GABRB1: variants seen among roughly 807,000 people sequenced by gnomAD.
The protein encoded by GABRB1 is gamma-aminobutyric acid type A receptor subunit beta1.
In GABRB1, 17 loss-of-function variants were observed where a neutral mutation model predicts 51.6. The ratio of observed to expected loss-of-function variants is 0.33; its 90% CI spans 0.23 to 0.49. GABRB1 has a LOEUF of 0.49. GABRB1 is among the 20% of genes least tolerant of loss of function. GABRB1 has a pLI of 0.99. For synonymous variants in GABRB1, 247 were observed against 218.9 expected, an observed-to-expected ratio of 1.13 and a Z score of -1.14; for missense variants, 410 against 600.6, an observed-to-expected ratio of 0.68 and a Z score of 3.32.
chr4:47,313,629 A>AT (rs1419521134), intron 4 of GABRB1, among the ~76,000 whole-genome samples: 3 of 152,054 alleles, frequency 2.0e-5, no homozygotes, highest in Non-Finnish European at 4.4e-5. Context: ...TTGCTGAACA[A>AT]TTTTTTCTCA....
At chr4:47,123,696 T>C (rs28517802) in intron 3 of GABRB1, among the ~76,000 whole-genome samples, 3 of 47,368 alleles carry the variant, frequency 6.3e-5, no homozygotes, top group African/African-American at 8.7e-5. Flanking sequence ...TATGATATAT[T>C]ATATATATAA....
chr4:47,381,983 A>G (rs1727614002), intron 5 of GABRB1, among the ~76,000 whole-genome samples: 1 of 152,172 alleles, frequency 6.6e-6, no homozygotes. Flanking sequence ...CCACATTTTT[A>G]TTGTCTAGGC....
chr4:47,316,745 TG>T (rs1025819679), intron 4 of GABRB1, among the ~76,000 whole-genome samples: 10 of 152,082 alleles, frequency 6.6e-5, no homozygotes, highest in Admixed American at 5.9e-4. Flanking sequence ...GCACAGGGGT[TG>T]GGGCTGTTGT....
At chr4:47,032,511 G>T in intron 3 of GABRB1, 27 bp downstream of exon 3, 1 of 1,608,780 alleles carries the variant, frequency 6.2e-7, no homozygotes, top group Non-Finnish European at 8.5e-7. Context: ...GGGGCCCGGC[G>T]GTTCGGCTTA....
At chr4:47,276,332 G>A (rs139626461) in intron 4 of GABRB1, among the ~76,000 whole-genome samples, 2 of 152,146 alleles carry the variant, frequency 1.3e-5, no homozygotes, top group African/African-American at 4.8e-5. Context: ...ATTATATTGA[G>A]CTGCAAAGAA....
chr4:47,155,717 A>G (rs1034518305), intron 3 of GABRB1, among the ~76,000 whole-genome samples: 1 of 151,802 alleles, frequency 6.6e-6, no homozygotes, highest in African/African-American at 2.4e-5. Flanking sequence ...CAAATGCTAG[A>G]TAATTAATGG....
intron 1 of GABRB1, among the ~76,000 whole-genome samples, chr4:47,013,219 AC>A (rs1256958040): frequency 6.6e-6 from 1 of 151,974 alleles, no homozygotes; most frequent in African/African-American, 2.4e-5. Flanking sequence ...TTTCAAGGTA[AC>A]TAAATAATTT....
intron 5 of GABRB1, among the ~76,000 whole-genome samples, chr4:47,333,188 TTTTATTTATATA>T (rs1210373655): frequency 1.5e-5 from 1 of 64,860 alleles, no homozygotes; most frequent in East Asian, 3.8e-4. Flanking sequence ...TTAAAACCCA[TTTTATTTATATA>T]TATATATATA....
intron 8 of GABRB1, 70 bp from the exon 9 acceptor site, chr4:47,425,604 T>TAGTA: frequency 8.5e-7 from 1 of 1,179,580 alleles, no homozygotes; most frequent in East Asian, 2.4e-5. Flanking sequence ...GGGGTATCAT[T>TAGTA]AGTAACAGGT....
At chr4:47,348,072 A>G (rs1726170225) in intron 5 of GABRB1, among the ~76,000 whole-genome samples, 1 of 152,206 alleles carries the variant, frequency 6.6e-6, no homozygotes. Context: ...CCTGGTCCCT[A>G]GCTTTCTTCT....
chr4:47,162,093 T>C (rs1172415733), intron 4 of GABRB1, among the ~76,000 whole-genome samples: 1 of 152,054 alleles, frequency 6.6e-6, no homozygotes, highest in African/African-American at 2.4e-5. Flanking sequence ...ACTCTTTCTG[T>C]ACCCCAAGGA....
intron 4 of GABRB1, among the ~76,000 whole-genome samples, chr4:47,217,135 C>A (rs913598042): frequency 2.6e-5 from 4 of 151,496 alleles, no homozygotes; most frequent in Admixed American, 2.0e-4. Flanking sequence ...ATAATAACAC[C>A]CTTGTTTATT....
chr4:47,214,878 T>C (rs772115082), intron 4 of GABRB1, among the ~76,000 whole-genome samples: 6 of 152,214 alleles, frequency 3.9e-5, no homozygotes, highest in Non-Finnish European at 8.8e-5. Flanking sequence ...TCTTCAGGAA[T>C]AGAATCCAAA....
intron 1 of GABRB1, among the ~76,000 whole-genome samples, chr4:47,020,303 A>G (rs1416699941): frequency 1.3e-5 from 2 of 152,132 alleles, no homozygotes; most frequent in Non-Finnish European, 2.9e-5. Flanking sequence ...ACATTCAAGG[A>G]TAGGTCTTCA....
intron 4 of GABRB1, among the ~76,000 whole-genome samples, chr4:47,203,637 G>T (rs960687438): frequency 6.6e-6 from 1 of 151,986 alleles, no homozygotes; most frequent in African/African-American, 2.4e-5. Context: ...TAACACAGAG[G>T]TGTCCTGCTT....
chr4:47,169,033 A>G (rs1718328965), intron 4 of GABRB1, among the ~76,000 whole-genome samples: 1 of 152,100 alleles, frequency 6.6e-6, no homozygotes, highest in Non-Finnish European at 1.5e-5. Flanking sequence ...ATCTCACTTC[A>G]ACTTGATTAC....
chr4:47,403,403 A>G lies in GABRB1; in HGVS notation c.630A>G (p.Gln210=). 2 of 1,614,036 alleles carry G rather than the reference A, an allele frequency of 1.2e-6. No individual in the cohort carries two copies. The highest frequency in any genetic ancestry group is 2.2e-5 in the East Asian group (1 of 44,884). Reference sequence around the variant, plus strand: ...GTGTTAATAAAATCGAACTTCCTCAATTTTCAATTGTTGACTACAAGATGG... The same window carrying G: ...GTGTTAATAAAATCGAACTTCCTCAGTTTTCAATTGTTGACTACAAGATGG... ...VTGVNKIELP[Q]FSIVDYKMVS... The change falls in exon 6 of 9, where the codon CAA becomes CAG. Residue 210 remains glutamine, a synonymous_variant. Transcript: ENST00000295454.
chr4:47,329,477 CAT>C (rs1336379031), intron 5 of GABRB1, among the ~76,000 whole-genome samples: 1 of 148,216 alleles, frequency 6.7e-6, no homozygotes, highest in Non-Finnish European at 1.5e-5. Flanking sequence ...GAATATATAG[CAT>C]ATATAAAGAA....
At chr4:47,062,798 A>G (rs1283345643) in intron 3 of GABRB1, among the ~76,000 whole-genome samples, 1 of 151,894 alleles carries the variant, frequency 6.6e-6, no homozygotes, top group East Asian at 1.9e-4. Context: ...TCAAGTCCCA[A>G]CTCTCTCACC....
Sources: gnomAD v4.1 joint callset for allele counts (sites outside exome capture counted in the v4.1 genomes callset) on GRCh38, gnomAD v4.1.1 for gene constraint, MANE v1.5 for transcripts, NCBI Gene and HGNC (gene_info 2026-07-23, HGNC 2026-07-21) for gene names.